The following MGAM2 variants were observed in gnomAD, a reference collection of about 807,000 sequenced individuals.
The protein encoded by MGAM2 is probable maltase-glucoamylase 2.
Under a neutral mutation model 96.1 loss-of-function variants are expected in MGAM2, and 98 were observed. That is an observed-to-expected ratio of 1.02 (90% CI 0.87 to 1.21). The LOEUF is 1.21. Ranked by LOEUF, MGAM2 falls within the 50% of genes most tolerant of loss-of-function variation. The probability of loss-of-function intolerance (pLI) is 0.00; values close to 1 mark genes in which losing one functional copy is unlikely to be tolerated. For missense variants in MGAM2, 2,055 were observed against 1,182.4 expected (o/e 1.74, Z -10.82); for synonymous variants, 749 against 414.8 (o/e 1.81, Z -9.79).
At chr7:142,113,494 C>T (rs1437375065) in intron 1 of MGAM2, among the ~76,000 whole-genome samples, 1 of 151,422 alleles carries the variant, frequency 6.6e-6, no homozygotes, top group Non-Finnish European at 1.5e-5. Context: ...TGAGAACTAA[C>T]AGAATGAGAG....
At chr7:142,173,110 T>C in intron 30 of MGAM2, 119 bp from the exon 31 acceptor site, 1 of 568,792 alleles carries the variant, frequency 1.8e-6, no homozygotes, top group South Asian at 2.5e-5. Context: ...TTCTTATCTT[T>C]CTTGGGTGAG....
chr7:142,171,348 A>G lies in MGAM2; in HGVS notation c.3259A>G (p.Ile1087Val). The G allele has an allele frequency of 5.7e-6, 4 of 703,074 alleles. No individual in the cohort carries two copies. The highest frequency in any genetic ancestry group is 5.2e-6 in the Non-Finnish European group (2 of 384,906). The allele number at this position is 703,074 out of a possible 1,614,324, so 43.6% of individuals were successfully genotyped here. ...TTCTACGCGTCTGCCGTCCCAGTAC[A>G]TCTATGGCTTTGGGGAAACTGAGCA... is the stretch of plus-strand genomic sequence containing the variant. Reference protein sequence around the residue: ...SISTRLPSQYIYGFGETEHTT... With the variant: ...SISTRLPSQYVYGFGETEHTT... Residue 1087 changes from isoleucine to valine, a missense_variant, in exon 28 of 48, where the codon ATC (isoleucine) becomes GTC (valine). Transcript: ENST00000477922.
chr7:142,201,972 T>A (rs1295194426), intron 45 of MGAM2, among the ~76,000 whole-genome samples: 1 of 94,692 alleles, frequency 1.1e-5, no homozygotes, highest in Non-Finnish European at 2.2e-5. Flanking sequence ...TGGATTATTA[T>A]TAGGAATAAA....
intron 46 of MGAM2, among the ~76,000 whole-genome samples, chr7:142,214,728 A>T (rs1308152059): frequency 6.6e-6 from 1 of 152,178 alleles, no homozygotes; most frequent in African/African-American, 2.4e-5. Context: ...ATACTTCCCA[A>T]TGCAAATCAA....
At chr7:142,159,624 C>A (rs1158217612) in intron 20 of MGAM2, among the ~76,000 whole-genome samples, 2 of 152,010 alleles carry the variant, frequency 1.3e-5, no homozygotes, top group African/African-American at 4.8e-5. Context: ...TGGTGAAGGC[C>A]CTCTCTGCTT....
At chr7:142,128,590 T>C (rs1794792399) in intron 3 of MGAM2, among the ~76,000 whole-genome samples, 1 of 152,150 alleles carries the variant, frequency 6.6e-6, no homozygotes, top group South Asian at 2.1e-4. Context: ...GGGTCCTGTG[T>C]CCCAGCAGCT....
intron 20 of MGAM2, 106 bp downstream of exon 20, chr7:142,159,449 A>G: frequency 1.5e-6 from 1 of 645,408 alleles, no homozygotes. Flanking sequence ...CAAGATTTAT[A>G]GTTAGTTGAT....
chr7:142,193,929 C>T (rs186065264), intron 37 of MGAM2, among the ~76,000 whole-genome samples: 113 of 152,322 alleles, frequency 7.4e-4, no homozygotes, highest in Non-Finnish European at 1.4e-3. Flanking sequence ...TTGCCCATAG[C>T]TGTCTCATTT....
intron 40 of MGAM2, among the ~76,000 whole-genome samples, 195 bp downstream of exon 40, chr7:142,197,011 T>C (rs1563289388): frequency 6.6e-6 from 1 of 152,210 alleles, no homozygotes; most frequent in Non-Finnish European, 1.5e-5. Context: ...TCTCATCTCC[T>C]GGAGAATTAC....
chr7:142,140,914 A>C lies in MGAM2; in HGVS notation c.1199A>C (p.Gln400Pro). The change falls in exon 11 of 48, where the codon CAG becomes CCG. Residue 400 changes from glutamine (Q) to proline (P), a missense_variant. Transcript: ENST00000477922. ...DFVKELHDNG[Q>P]KYLIIMNPGI... ...GTCAAGGAGTTACATGACAATGGAC[A>C]GAAATATCTTATTATTATGGTATGT... is the stretch of plus-strand genomic sequence containing the variant. 1 of 702,850 alleles carries C rather than the reference A, an allele frequency of 1.4e-6. No individual in the cohort carries two copies. Among genetic ancestry groups the C allele is most frequent in the Non-Finnish European group, 2.6e-6 (1 of 384,938 alleles). 43.5% of individuals were successfully genotyped at this position (702,850 alleles called of 1,614,324 possible).
intron 24 of MGAM2, among the ~76,000 whole-genome samples, chr7:142,165,838 A>G (rs1487455875): frequency 6.6e-6 from 1 of 152,178 alleles, no homozygotes; most frequent in African/African-American, 2.4e-5. Context: ...CACCCAGAGG[A>G]CAGTAAGCCT....
At position 142,167,138 on chromosome 7, in the gene MGAM2, A is replaced by G. The variant is rs904255261; in HGVS notation, c.2809-130A>G. 1.0e-5 allele frequency: 6 copies of G among 573,390 alleles called. No homozygotes were observed. The African/African-American group carries it at 1.1e-4, about 11-fold the overall frequency. The allele number at this position is 573,390 out of a possible 1,614,324, so 35.5% of individuals were successfully genotyped here. A position where few individuals can be genotyped will look rare whatever the true frequency, so the allele number is the denominator to read the frequency against. On this transcript the variant is annotated intron_variant, in intron 25 of 47. Transcript: ENST00000477922. ...GGGGTTAGGACTTAACATCTTTTTT[A>G]GGGGACACAATTCAACCCATAACCA... is the stretch of plus-strand genomic sequence containing the variant.
chr7:142,118,753 A>G (rs1368374441), intron 2 of MGAM2, among the ~76,000 whole-genome samples: 1 of 152,184 alleles, frequency 6.6e-6, no homozygotes, highest in Non-Finnish European at 1.5e-5. Flanking sequence ...GTAAGAAAAA[A>G]GACTTTCCCA....
intron 46 of MGAM2, among the ~76,000 whole-genome samples, chr7:142,215,723 A>G (rs747304303): frequency 6.8e-6 from 1 of 146,614 alleles, no homozygotes; most frequent in Non-Finnish European, 1.5e-5. Flanking sequence ...GCGCCATTGC[A>G]CTCCAGCCTG....
Position 142,199,982 on chromosome 7 carries a change from T to G in MGAM2, c.5137+14T>G, listed in dbSNP as rs1485774783. ...GACAAAGCATTGGTGAGTATAAACT[T>G]TCCAGGGTCCCTGTACATCACTGAG... On this transcript the variant is annotated intron_variant, in intron 45 of 47. Coordinates refer to ENST00000477922, the MANE Select transcript of MGAM2 (RefSeq NM_001293626.2). 1 of 655,664 alleles carries G rather than the reference T, an allele frequency of 1.5e-6. No individual in the cohort carries two copies. The highest frequency in any genetic ancestry group is 1.8e-5 in the African/African-American group (1 of 55,298). 40.6% of individuals were successfully genotyped at this position (655,664 alleles called of 1,614,324 possible).
intron 32 of MGAM2, among the ~76,000 whole-genome samples, chr7:142,176,017 T>C (rs1465492287): frequency 1.3e-5 from 2 of 151,772 alleles, no homozygotes; most frequent in Admixed American, 1.3e-4. Flanking sequence ...ATATTTATTT[T>C]CCATAACTGT....
At chr7:142,175,071 A>G (rs6976249) in intron 31 of MGAM2, among the ~76,000 whole-genome samples, 28,719 of 151,956 alleles carry the variant, frequency 0.19, 2,993 homozygotes, top group East Asian at 0.34. Context: ...CCAATACTAC[A>G]TTGAATAGGA....
chr7:142,170,260 G>A (rs1020800203), intron 27 of MGAM2, 31 bp downstream of exon 27: 15 of 686,824 alleles, frequency 2.2e-5, no homozygotes, highest in African/African-American at 2.1e-4. Context: ...TCTAATTAGA[G>A]TAGTTCTAGA....
intron 14 of MGAM2, among the ~76,000 whole-genome samples, chr7:142,146,282 C>T (rs1367846148): frequency 6.6e-6 from 1 of 150,710 alleles, no homozygotes; most frequent in Admixed American, 6.6e-5. Flanking sequence ...GCCACTTTTG[C>T]TCATAGCCAG....
Sources: gnomAD v4.1 joint callset for allele counts (sites outside exome capture counted in the v4.1 genomes callset) on GRCh38, gnomAD v4.1.1 for gene constraint, MANE v1.5 for transcripts, NCBI Gene and HGNC (gene_info 2026-07-23, HGNC 2026-07-21) for gene names.